MSRA: variants seen among roughly 807,000 people sequenced by gnomAD.
MSRA encodes mitochondrial peptide methionine sulfoxide reductase.
Under a neutral mutation model 31.3 loss-of-function variants are expected in MSRA, and 54 were observed. The observed-to-expected ratio is 1.73, with a 90% CI of 1.39 to 2.17. MSRA has a LOEUF of 2.17. Ranked by LOEUF, MSRA falls within the 30% of genes most tolerant of loss-of-function variation. The pLI is 0.00. For missense variants in MSRA, 507 were observed against 300.9 expected, an observed-to-expected ratio of 1.69 and a Z score of -5.07; for synonymous variants, 169 against 116.5, an observed-to-expected ratio of 1.45 and a Z score of -2.90.
intron 5 of MSRA, among the ~76,000 whole-genome samples, chr8:10,352,554 T>C (rs1563383805): frequency 6.6e-6 from 1 of 152,054 alleles, no homozygotes; most frequent in Non-Finnish European, 1.5e-5. Context: ...GTGGAGAAGA[T>C]TGCAGCTGCA....
At position 10,285,592 on chromosome 8, in the gene MSRA, T is replaced by TC. The variant is rs768895836; in HGVS notation, c.332-15936dup. 2.9e-4 allele frequency among the ~76,000 whole-genome samples: 44 copies of TC among 152,158 alleles called. 1 individual carries two copies. Among genetic ancestry groups the TC allele is most frequent in the Non-Finnish European group, 4.6e-4 (31 of 67,996 alleles). ...AGGGTTCTGGAATACTGGAACTTATTCCCCCCATCTCAATGTATTTTGTAC... is the reference window on the plus strand; with the variant it reads ...AGGGTTCTGGAATACTGGAACTTATTCCCCCCCATCTCAATGTATTTTGTAC... On this transcript the variant is annotated intron_variant, in intron 3 of 5. Coordinates refer to ENST00000317173, the MANE Select transcript of MSRA (RefSeq NM_012331.5).
intron 5 of MSRA, among the ~76,000 whole-genome samples, chr8:10,330,920 G>C (rs530434963): frequency 2.7e-4 from 41 of 152,288 alleles, no homozygotes; most frequent in African/African-American, 9.6e-4. Flanking sequence ...ATGGTGTTTG[G>C]ACATGGGGCC....
chr8:10,415,367 T>C (rs536079420), intron 5 of MSRA, among the ~76,000 whole-genome samples: 51 of 152,300 alleles, frequency 3.3e-4, no homozygotes, highest in Non-Finnish European at 5.7e-4. Context: ...GGGTTCCCAC[T>C]TGAGCTCAGC....
At chr8:10,128,800 C>G (rs183978761) in intron 1 of MSRA, among the ~76,000 whole-genome samples, 272 of 152,330 alleles carry the variant, frequency 1.8e-3, no homozygotes, top group African/African-American at 6.4e-3. Context: ...CTCATCTATT[C>G]ATTCATGCAA....
chr8:10,232,818 C>T (rs968304059), intron 2 of MSRA, among the ~76,000 whole-genome samples: 2 of 152,150 alleles, frequency 1.3e-5, no homozygotes, highest in Admixed American at 6.5e-5. Context: ...TTGGAAAATT[C>T]TTACCAAGTA....
intron 3 of MSRA, among the ~76,000 whole-genome samples, chr8:10,299,089 G>C (rs749098531): frequency 2.6e-5 from 4 of 152,098 alleles, no homozygotes; most frequent in Non-Finnish European, 5.9e-5. Flanking sequence ...AATATGATAA[G>C]AGATAATATG....
At chr8:10,180,679 A>G (rs767130461) in intron 1 of MSRA, among the ~76,000 whole-genome samples, 41 of 152,244 alleles carry the variant, frequency 2.7e-4, no homozygotes, top group Non-Finnish European at 8.8e-5. Context: ...ACCAGGAACC[A>G]GAGGCAGAGA....
intron 3 of MSRA, among the ~76,000 whole-genome samples, chr8:10,275,574 G>A (rs1053704545): frequency 2.0e-5 from 3 of 152,192 alleles, no homozygotes; most frequent in African/African-American, 7.2e-5. Flanking sequence ...GGTTCTGCTT[G>A]AAGTAATTGG....
chr8:10,058,791 C>T (rs950716778), intron 1 of MSRA, among the ~76,000 whole-genome samples: 1 of 152,162 alleles, frequency 6.6e-6, no homozygotes, highest in Non-Finnish European at 1.5e-5. Flanking sequence ...AGTTTTAATC[C>T]CACCTTTAAA....
At chr8:10,235,256 G>A (rs116697348) in intron 2 of MSRA, among the ~76,000 whole-genome samples, 7 of 152,222 alleles carry the variant, frequency 4.6e-5, no homozygotes, top group East Asian at 1.9e-4. Flanking sequence ...ATAAAATTGT[G>A]AAGGTAGTAT....
chr8:10,195,961 G>A (rs568970894), intron 1 of MSRA, among the ~76,000 whole-genome samples: 3 of 152,334 alleles, frequency 2.0e-5, no homozygotes, highest in Admixed American at 2.0e-4. Flanking sequence ...AAAGGTTGGT[G>A]TTGGTCTGGA....
intron 1 of MSRA, among the ~76,000 whole-genome samples, chr8:10,155,239 A>G (rs532859074): frequency 6.6e-6 from 1 of 152,106 alleles, no homozygotes; most frequent in Non-Finnish European, 1.5e-5. Context: ...TTTTGTGTTT[A>G]TTTAGGAGAG....
chr8:10,132,050 T>C (rs1187923769), intron 1 of MSRA, among the ~76,000 whole-genome samples: 2 of 152,196 alleles, frequency 1.3e-5, no homozygotes, highest in Non-Finnish European at 2.9e-5. Flanking sequence ...AAGACTGACA[T>C]GTGTTATCTT....
Position 10,062,876 on chromosome 8 carries a change from C to A in MSRA, c.142+8218C>A, listed in dbSNP as rs189062981. Among the ~76,000 whole-genome samples, 33 of 152,252 alleles carry A rather than the reference C, an allele frequency of 2.2e-4. No individual in the cohort carries two copies. The East Asian group carries it at 5.6e-3, about 26-fold the overall frequency. ...GATTGCTAGTGAGGCACTGAGTTGT[C>A]ATCAGGTAGCAATTCCACCATTTCC... On this transcript the variant is annotated intron_variant, in intron 1 of 5. Coordinates refer to ENST00000317173, the MANE Select transcript of MSRA (RefSeq NM_012331.5).
intron 5 of MSRA, among the ~76,000 whole-genome samples, chr8:10,346,311 T>C (rs1449907279): frequency 6.6e-6 from 1 of 152,210 alleles, no homozygotes; most frequent in Non-Finnish European, 1.5e-5. Context: ...GACTTTGCGC[T>C]CAGCATGCAT....
In MSRA at chr8:10,402,104, C is replaced by T. The variant is rs184002627; in HGVS notation, c.544-26044C>T. Among the ~76,000 whole-genome samples the T allele has an allele frequency of 8.5e-4, 130 of 152,206 alleles. No individual in the cohort carries two copies. In the Middle Eastern group the frequency reaches 0.01, roughly 12 times the overall value. ...AAAATGTAAAGGAAGGCAGGCAGAC[C>T]CTGAGCATTGGGTTCCCTTAGCTCT... On this transcript the variant is annotated intron_variant, in intron 5 of 5. Coordinates refer to ENST00000317173, the MANE Select transcript of MSRA (RefSeq NM_012331.5).
At chr8:10,248,471 C>T (rs1797743730) in intron 3 of MSRA, among the ~76,000 whole-genome samples, 1 of 152,138 alleles carries the variant, frequency 6.6e-6, no homozygotes, top group South Asian at 2.1e-4. Flanking sequence ...TATCTCAGCA[C>T]ACAGGTGGGT....
intron 5 of MSRA, among the ~76,000 whole-genome samples, chr8:10,367,659 C>T (rs1805243740): frequency 6.6e-6 from 1 of 152,202 alleles, no homozygotes; most frequent in African/African-American, 2.4e-5. Context: ...TGTCACACTG[C>T]GAGTGAGTAG....
intron 1 of MSRA, among the ~76,000 whole-genome samples, chr8:10,158,078 CA>C (rs1257094365): frequency 2.6e-5 from 4 of 152,164 alleles, no homozygotes; most frequent in African/African-American, 9.7e-5. Context: ...TCATAGATGG[CA>C]CCTTCTTACG....
Sources: gnomAD v4.1 joint callset for allele counts (sites outside exome capture counted in the v4.1 genomes callset) on GRCh38, gnomAD v4.1.1 for gene constraint, MANE v1.5 for transcripts, NCBI Gene and HGNC (gene_info 2026-07-23, HGNC 2026-07-21) for gene names.